The following NRBP1 variants were observed in gnomAD, a reference collection of about 807,000 sequenced individuals.
NRBP1 encodes the protein nuclear receptor binding protein 1, also known as nuclear receptor-binding protein.
In NRBP1, 10 loss-of-function variants were observed where a neutral mutation model predicts 76.0. The observed-to-expected ratio is 0.13, with a 90% CI of 0.08 to 0.22. NRBP1 has a LOEUF of 0.22. Among genes scored for constraint, NRBP1 ranks in the 10% least tolerant of loss-of-function variants. NRBP1 has a pLI of 1.00. For missense variants in NRBP1, 344 were observed against 646.0 expected, an observed-to-expected ratio of 0.53 and a Z score of 5.07; for synonymous variants, 235 against 240.2, an observed-to-expected ratio of 0.98 and a Z score of 0.20.
chr2:27,440,213 T>C (rs1664481270), intron 11 of NRBP1, 190 bp from the exon 12 acceptor site: 6 of 577,508 alleles, frequency 1.0e-5, no homozygotes, highest in South Asian at 2.1e-5. Context: ...GGTTTCGCCA[T>C]GTTGGCCAGG....
chr2:27,434,897 C>A, intron 6 of NRBP1, 135 bp downstream of exon 6: 1 of 938,138 alleles, frequency 1.1e-6, no homozygotes, highest in East Asian at 2.5e-5. Flanking sequence ...AGATTAGGGC[C>A]CCTACGGGTC....
chr2:27,435,710 C>G (rs980215908), intron 7 of NRBP1: 9 of 717,552 alleles, frequency 1.3e-5, no homozygotes, highest in African/African-American at 1.2e-4. Flanking sequence ...ACGGGCTGCT[C>G]TGTTCCCAAC....
chr2:27,440,360 C>G, intron 11 of NRBP1, 43 bp from the exon 12 acceptor site: 1 of 1,334,764 alleles, frequency 7.5e-7, no homozygotes, highest in South Asian at 1.2e-5. Context: ...GACATTTAAT[C>G]TGACTATCCC....
intron 10 of NRBP1, 57 bp from the exon 11 acceptor site, chr2:27,439,709 A>G (rs1173999488): frequency 6.2e-7 from 1 of 1,605,086 alleles, no homozygotes; most frequent in Non-Finnish European, 8.5e-7. Flanking sequence ...AGCTATAAAG[A>G]TGAACACACT....
chr2:27,433,586 G>T, intron 2 of NRBP1, 87 bp from the exon 3 acceptor site: 1 of 1,601,066 alleles, frequency 6.2e-7, no homozygotes, highest in Non-Finnish European at 8.5e-7. Context: ...AATAGGTTGG[G>T]GGCTAGGAGG....
chr2:27,441,464 A>G (rs1442749984), intron 16 of NRBP1, 103 bp from the exon 17 acceptor site: 7 of 1,454,668 alleles, frequency 4.8e-6, no homozygotes, highest in Admixed American at 1.7e-5. Context: ...ACCCTAAAGC[A>G]GTGGGTGGAT....
intron 5 of NRBP1, 27 bp from the exon 6 acceptor site, chr2:27,434,695 T>C: frequency 6.2e-7 from 1 of 1,614,148 alleles, no homozygotes; most frequent in Non-Finnish European, 8.5e-7. Flanking sequence ...GAATTACTGC[T>C]GACCCTTGGA....
In NRBP1 at chr2:27,434,574, GCAGA is replaced by G; in HGVS notation, c.525+17_525+20del. 6.2e-7 allele frequency: 1 copy of G among 1,600,938 alleles called. No homozygotes were observed. Among genetic ancestry groups the G allele is most frequent in the Non-Finnish European group, 8.6e-7 (1 of 1,168,094 alleles). ...ATGAATGAAAAGGTATAGAAGGAGA[GCAGA>G]CAAAGTTTGAGGCTGGTTTTTGGGG... On this transcript the variant is annotated intron_variant, in intron 5 of 17. Transcript: ENST00000379852.
intron 7 of NRBP1, chr2:27,435,826 G>T: frequency 1.4e-6 from 1 of 717,030 alleles, no homozygotes; most frequent in Admixed American, 2.0e-5. Flanking sequence ...GCATGCAGTC[G>T]TGGGAGCAAA....
rs1366433738 is a variant in NRBP1, at chr2:27,439,861, C to T, written c.999C>T (p.Leu333=). ...CAGCATTGTTTGAAGTGCCCTCGCT[C>T]AAACTCCTTGCGGCCCACTGCATTG... The part of the protein sequence containing the change: ...FHPALFEVPS[L]KLLAAHCIVG... Residue 333 remains leucine (L), a synonymous_variant, in exon 11 of 18, where the codon CTC becomes CTT. Coordinates refer to ENST00000379852, the MANE Select transcript of NRBP1 (RefSeq NM_013392.4). 6.2e-7 allele frequency: 1 copy of T among 1,614,166 alleles called. No homozygotes were observed. The highest frequency in any genetic ancestry group is 1.7e-5 in the Admixed American group (1 of 60,018).
In NRBP1 at chr2:27,434,625, TTAA is replaced by T. The variant is rs1224490485; in HGVS notation, c.525+70_525+72del. The stretch of plus-strand genomic sequence containing the variant: ...GGGGGTGGTTTTAAAAAGGACTCTG[TTAA>T]TAATGAAGCTGATCAGGAAGGGACG... On this transcript the variant is annotated intron_variant, in intron 5 of 17. Coordinates refer to ENST00000379852, the MANE Select transcript of NRBP1 (RefSeq NM_013392.4). 7.5e-5 allele frequency: 120 copies of T among 1,592,386 alleles called. No individual in the cohort carries two copies. The East Asian group carries it at 1.1e-3, about 15-fold the overall frequency.
intron 10 of NRBP1, among the ~76,000 whole-genome samples, chr2:27,439,450 A>G (rs991321832): frequency 6.8e-6 from 1 of 147,966 alleles, no homozygotes; most frequent in Non-Finnish European, 1.5e-5. Flanking sequence ...GCGCCACTGC[A>G]CTCCAGCCTG....
intron 1 of NRBP1, among the ~76,000 whole-genome samples, chr2:27,432,168 A>G (rs577335840): frequency 5.8e-4 from 88 of 152,310 alleles, no homozygotes; most frequent in African/African-American, 2.1e-3. Flanking sequence ...TTAATTCTTG[A>G]GCACAGTAAA....
chr2:27,437,000 T>A (rs1452926572), intron 8 of NRBP1, 47 bp from the exon 9 acceptor site: 2 of 1,553,278 alleles, frequency 1.3e-6, no homozygotes, highest in East Asian at 2.3e-5. Context: ...CTGCCAACCC[T>A]AGCCCCCAAT....
intron 1 of NRBP1, chr2:27,429,446 A>T (rs1056151790): frequency 6.6e-6 from 1 of 152,428 alleles, no homozygotes; most frequent in African/African-American, 2.4e-5. Flanking sequence ...CCAATAAACG[A>T]AAGTGTCGGG....
intron 7 of NRBP1, chr2:27,436,422 A>G (rs1664309302): frequency 8.2e-6 from 2 of 243,464 alleles, no homozygotes; most frequent in Admixed American, 5.1e-5. Context: ...GATTTAGGGA[A>G]GGTGAACGCA....
At position 27,439,861 on chromosome 2, in the gene NRBP1, C is replaced by G; in HGVS notation, c.999C>G (p.Leu333=). 2 of 1,614,166 alleles carry G rather than the reference C, an allele frequency of 1.2e-6. No homozygotes were observed. The highest frequency in any genetic ancestry group is 1.7e-6 in the Non-Finnish European group (2 of 1,180,020). Residue 333 remains leucine, a synonymous_variant, in exon 11 of 18, where the codon CTC becomes CTG. Transcript: ENST00000379852. ...CAGCATTGTTTGAAGTGCCCTCGCT[C>G]AAACTCCTTGCGGCCCACTGCATTG... The part of the protein sequence containing the change: ...FHPALFEVPS[L]KLLAAHCIVG...
At position 27,441,564 on chromosome 2, in the gene NRBP1, C is replaced by A; in HGVS notation, c.1448-3C>A. On this transcript the variant is annotated splice_polypyrimidine_tract_variant and splice_region_variant and intron_variant, in intron 16 of 17. Transcript: ENST00000379852. ...TACTCACCCCCTCCTGTTTCTTTGT[C>A]AGATGAGAATATCCCCGAGTTGGCG... 6.2e-7 allele frequency: 1 copy of A among 1,614,116 alleles called. No homozygotes were observed. Among genetic ancestry groups the A allele is most frequent in the Non-Finnish European group, 8.5e-7 (1 of 1,179,998 alleles).
intron 10 of NRBP1, among the ~76,000 whole-genome samples, chr2:27,438,154 G>A (rs967689560): frequency 2.0e-5 from 3 of 150,836 alleles, no homozygotes; most frequent in Admixed American, 6.6e-5. Context: ...CACTCCAGCT[G>A]GGGCAAGAGA....
Sources: gnomAD v4.1 joint callset for allele counts (sites outside exome capture counted in the v4.1 genomes callset) on GRCh38, gnomAD v4.1.1 for gene constraint, MANE v1.5 for transcripts, NCBI Gene and HGNC (gene_info 2026-07-23, HGNC 2026-07-21) for gene names.